CSMD1: variants seen among roughly 807,000 people sequenced by gnomAD.
CSMD1 encodes the protein CUB and Sushi multiple domains 1.
Under a neutral mutation model 417.5 loss-of-function variants are expected in CSMD1, and 213 were observed. The observed-to-expected ratio is 0.51, with a 90% CI of 0.46 to 0.57. CSMD1 has a LOEUF of 0.57. CSMD1 is among the 20% of genes least tolerant of loss of function. CSMD1 has a pLI of 0.00. For missense variants in CSMD1, 6,923 were observed against 4,529.7 expected, an observed-to-expected ratio of 1.53 and a Z score of -15.17; for synonymous variants, 2,862 against 1,736.8, an observed-to-expected ratio of 1.65 and a Z score of -16.11.
At chr8:3,606,951 C>A (rs1235833434) in intron 8 of CSMD1, among the ~76,000 whole-genome samples, 1 of 152,102 alleles carries the variant, frequency 6.6e-6, no homozygotes, top group Non-Finnish European at 1.5e-5. Context: ...ATCTCATGAT[C>A]TGCCCACCTC....
intron 1 of CSMD1, among the ~76,000 whole-genome samples, chr8:4,638,269 A>G (rs1385250869): frequency 6.6e-6 from 1 of 152,176 alleles, no homozygotes; most frequent in East Asian, 1.9e-4. Context: ...AATAAACATT[A>G]TAAAACTATA....
chr8:3,698,425 A>G (rs73658208), intron 7 of CSMD1, among the ~76,000 whole-genome samples: 9,998 of 152,266 alleles, frequency 0.066, 382 homozygotes, highest in East Asian at 0.11. Flanking sequence ...TTAAGCCTTT[A>G]TACTACTGTT....
chr8:3,925,776 T>C (rs1809615694), intron 5 of CSMD1, among the ~76,000 whole-genome samples: 1 of 152,086 alleles, frequency 6.6e-6, no homozygotes, highest in Non-Finnish European at 1.5e-5. Flanking sequence ...ATTGAACCTC[T>C]TTTTATTCCC....
chr8:3,304,336 T>C (rs1460043796), intron 25 of CSMD1, among the ~76,000 whole-genome samples: 4 of 152,154 alleles, frequency 2.6e-5, no homozygotes, highest in Admixed American at 1.3e-4. Flanking sequence ...CAAGCTAATA[T>C]CAAGGCTAAG....
chr8:3,121,013 A>G (rs1051043854), intron 41 of CSMD1, among the ~76,000 whole-genome samples: 42 of 152,158 alleles, frequency 2.8e-4, no homozygotes, highest in African/African-American at 1.0e-3. Flanking sequence ...TTATGAGCAT[A>G]ATTTCTAAGC....
chr8:3,208,500 C>T (rs765495102), intron 30 of CSMD1, among the ~76,000 whole-genome samples: 2 of 152,236 alleles, frequency 1.3e-5, no homozygotes, highest in Non-Finnish European at 1.5e-5. Context: ...CTGTTGACCT[C>T]GTGATCCACC....
intron 5 of CSMD1, among the ~76,000 whole-genome samples, chr8:3,868,026 TG>T (rs1805227101): frequency 6.6e-6 from 1 of 152,172 alleles, no homozygotes; most frequent in East Asian, 1.9e-4. Flanking sequence ...TCTCCAATCC[TG>T]ATTTGGCCCT....
At chr8:4,281,593 GA>G (rs1413131136) in intron 3 of CSMD1, among the ~76,000 whole-genome samples, 3 of 152,052 alleles carry the variant, frequency 2.0e-5, no homozygotes, top group Admixed American at 1.3e-4. Context: ...TTGAATCTAA[GA>G]AGTATGTATA....
intron 1 of CSMD1, among the ~76,000 whole-genome samples, chr8:4,898,069 A>G (rs1183969207): frequency 6.6e-6 from 1 of 152,176 alleles, no homozygotes; most frequent in Non-Finnish European, 1.5e-5. Flanking sequence ...TTAGTTGGAA[A>G]TATTTAGAAA....
At chr8:3,996,111 C>G (rs1181132678) in intron 5 of CSMD1, among the ~76,000 whole-genome samples, 2 of 152,208 alleles carry the variant, frequency 1.3e-5, no homozygotes, top group Non-Finnish European at 2.9e-5. Context: ...TTTTCTGACA[C>G]AAACTAAGTT....
At chr8:3,545,997 G>C (rs544079292) in intron 10 of CSMD1, among the ~76,000 whole-genome samples, 2 of 152,346 alleles carry the variant, frequency 1.3e-5, no homozygotes, top group African/African-American at 4.8e-5. Flanking sequence ...ACATATTGAT[G>C]AGTCACATGA....
At position 3,816,621 on chromosome 8, in the gene CSMD1, G is replaced by C. The variant is rs942834038; in HGVS notation, c.819-62579C>G. Among the ~76,000 whole-genome samples the C allele has an allele frequency of 2.6e-5, 4 of 152,216 alleles. 1 individual carries two copies. The highest frequency in any genetic ancestry group is 2.0e-4 in the Admixed American group (3 of 15,288). On this transcript the variant is annotated intron_variant, in intron 5 of 69. Coordinates refer to ENST00000635120, the MANE Select transcript of CSMD1 (RefSeq NM_033225.6). Reference sequence around the variant, plus strand: ...GCAGTTCACAATAATGTACCAAACAGAAGAGAATAATTTGGATGTTTCTAA... The same window carrying C: ...GCAGTTCACAATAATGTACCAAACACAAGAGAATAATTTGGATGTTTCTAA...
chr8:3,269,451 C>G (rs1440322791), intron 26 of CSMD1, among the ~76,000 whole-genome samples: 1 of 152,218 alleles, frequency 6.6e-6, no homozygotes, highest in East Asian at 1.9e-4. Flanking sequence ...ATGGGCAGCA[C>G]CAAAGGCCTC....
chr8:3,386,652 G>C (rs548096584), intron 18 of CSMD1, among the ~76,000 whole-genome samples: 1 of 152,298 alleles, frequency 6.6e-6, no homozygotes, highest in East Asian at 1.9e-4. Flanking sequence ...GAAAAGTATT[G>C]AAGATGTAAA....
intron 3 of CSMD1, among the ~76,000 whole-genome samples, chr8:4,235,438 G>A (rs1235173384): frequency 1.3e-5 from 2 of 151,410 alleles, no homozygotes; most frequent in Non-Finnish European, 2.9e-5. Flanking sequence ...TATGTAGTAT[G>A]CCATGTCCAC....
chr8:4,482,883 T>C (rs1294995778), intron 2 of CSMD1, among the ~76,000 whole-genome samples: 1 of 152,190 alleles, frequency 6.6e-6, no homozygotes, highest in African/African-American at 2.4e-5. Flanking sequence ...CTTCATAAAG[T>C]AGGGGCATGT....
chr8:3,393,019 C>G (rs1052360446), intron 17 of CSMD1, among the ~76,000 whole-genome samples: 5 of 152,170 alleles, frequency 3.3e-5, no homozygotes, highest in Non-Finnish European at 5.9e-5. Flanking sequence ...AAGCCATGTC[C>G]TGAACCTCAT....
chr8:4,428,907 G>C (rs189399944), intron 2 of CSMD1, among the ~76,000 whole-genome samples: 1 of 151,910 alleles, frequency 6.6e-6, no homozygotes, highest in African/African-American at 2.4e-5. Context: ...CAGAGACAGG[G>C]TTTCACCATT....
intron 2 of CSMD1, among the ~76,000 whole-genome samples, chr8:4,422,405 T>C (rs907190094): frequency 2.0e-5 from 3 of 152,072 alleles, no homozygotes; most frequent in African/African-American, 7.2e-5. Context: ...ACAGAGGTAA[T>C]TATAGTTAAA....
Sources: allele counts gnomAD v4.1 joint callset (sites outside exome capture counted in the v4.1 genomes callset), GRCh38; gene constraint gnomAD v4.1.1; transcripts MANE v1.5; gene names NCBI Gene and HGNC (gene_info 2026-07-23, HGNC 2026-07-21).